CASR: variants seen among roughly 807,000 people sequenced by gnomAD.
CASR encodes calcium sensing receptor.
CASR carries 23 observed loss-of-function variants against 69.1 expected under a neutral mutation model. That is an observed-to-expected ratio of 0.33 (90% CI 0.24 to 0.47). CASR has a LOEUF of 0.47. CASR is among the 20% of genes least tolerant of loss of function. The pLI is 1.00. For missense variants in CASR, 924 were observed against 1,356.1 expected, an observed-to-expected ratio of 0.68 and a Z score of 5.00; for synonymous variants, 541 against 544.7, an observed-to-expected ratio of 0.99 and a Z score of 0.10.
At chr3:122,222,074 G>A (rs2074177063) in intron 1 of CASR, among the ~76,000 whole-genome samples, 1 of 152,234 alleles carries the variant, frequency 6.6e-6, no homozygotes. Flanking sequence ...TGCCAATATT[G>A]GAGTAGGCTG....
intron 1 of CASR, among the ~76,000 whole-genome samples, chr3:122,211,568 C>T (rs1187601101): frequency 1.3e-5 from 2 of 152,086 alleles, no homozygotes; most frequent in East Asian, 1.9e-4. Context: ...ACTAGCTGGG[C>T]GTGGTGGCAC....
intron 2 of CASR, 122 bp from the exon 3 acceptor site, chr3:122,256,959 G>C: frequency 2.4e-6 from 2 of 830,856 alleles, no homozygotes; most frequent in Non-Finnish European, 4.0e-6. Flanking sequence ...TCTGTACAGA[G>C]CATGCCATGA....
intron 1 of CASR, among the ~76,000 whole-genome samples, chr3:122,209,720 C>T (rs1030317058): frequency 7.2e-5 from 11 of 151,890 alleles, no homozygotes; most frequent in African/African-American, 2.7e-4. Context: ...TATCAAGGGA[C>T]TTCTCCCTAA....
chr3:122,195,792 A>G (rs2073883684), intron 1 of CASR, among the ~76,000 whole-genome samples: 1 of 152,178 alleles, frequency 6.6e-6, no homozygotes. Context: ...CATAGTCAAA[A>G]ATGTAGTTTA....
chr3:122,243,778 G>A (rs1576844214), intron 1 of CASR, among the ~76,000 whole-genome samples: 1 of 152,060 alleles, frequency 6.6e-6, no homozygotes, highest in East Asian at 1.9e-4. Flanking sequence ...TGCAACCTAA[G>A]TGTCCATCGA....
At chr3:122,272,574 C>T (rs1247395543) in intron 4 of CASR, among the ~76,000 whole-genome samples, 1 of 152,150 alleles carries the variant, frequency 6.6e-6, no homozygotes, top group Non-Finnish European at 1.5e-5. Flanking sequence ...TTTCTCTGTA[C>T]TTAGAGATGA....
In CASR at chr3:122,257,240, T is replaced by C; in HGVS notation, c.345T>C (p.Val115=). 6.2e-7 allele frequency: 1 copy of C among 1,614,194 alleles called. No individual in the cohort carries two copies. The highest frequency in any genetic ancestry group is 8.5e-7 in the Non-Finnish European group (1 of 1,180,020). The change falls in exon 3 of 7, where the codon GTT becomes GTC. Residue 115 remains valine (V), a synonymous_variant. Coordinates refer to ENST00000639785, the MANE Select transcript of CASR (RefSeq NM_000388.4). ...SKALEATLSF[V]AQNKIDSLNL... is the part of the protein sequence containing the mutation. ...CCTTGGAAGCCACCCTGAGTTTTGT[T>C]GCTCAAAACAAAATTGATTCTTTGA...
At chr3:122,215,108 G>C (rs914823197) in intron 1 of CASR, among the ~76,000 whole-genome samples, 5 of 151,002 alleles carry the variant, frequency 3.3e-5, no homozygotes, top group African/African-American at 1.2e-4. Context: ...GAAAGTCTTT[G>C]CCTATGCACT....
chr3:122,261,147 T>C (rs1298082890), intron 3 of CASR, among the ~76,000 whole-genome samples: 1 of 152,188 alleles, frequency 6.6e-6, no homozygotes, highest in African/African-American at 2.4e-5. Flanking sequence ...GGATATATTA[T>C]AACCAATGAG....
At chr3:122,263,826 G>A (rs2107634292) in intron 4 of CASR, among the ~76,000 whole-genome samples, 1 of 152,236 alleles carries the variant, frequency 6.6e-6, no homozygotes, top group Middle Eastern at 3.4e-3. Flanking sequence ...TAAAGGTCAG[G>A]CACTCTAAAG....
At chr3:122,210,590 G>A (rs2074054645) in intron 1 of CASR, among the ~76,000 whole-genome samples, 1 of 152,084 alleles carries the variant, frequency 6.6e-6, no homozygotes, top group Non-Finnish European at 1.5e-5. Context: ...AATCAGAGAG[G>A]ACAAAAACAA....
intron 1 of CASR, among the ~76,000 whole-genome samples, chr3:122,228,477 T>C (rs13071297): frequency 0.014 from 2,098 of 152,372 alleles, 27 homozygotes; most frequent in South Asian, 0.057. Flanking sequence ...TATTTCCTAT[T>C]AGAAGTAGTA....
Position 122,237,062 on chromosome 3 carries a change from T to A in CASR, c.-242-16886T>A, listed in dbSNP as rs142422687. 1.0e-2 allele frequency among the ~76,000 whole-genome samples: 1,518 copies of A among 152,218 alleles called. 13 individuals carry two copies. The highest frequency in any genetic ancestry group is 0.024 in the Middle Eastern group (7 of 292). ...AATGAAACACTGGAGGCTTGTTATT[T>A]TGGGCCTGGAAATTTGTAGAGATGC... On this transcript the variant is annotated intron_variant, in intron 1 of 6. Transcript: ENST00000639785.
chr3:122,224,312 G>T (rs1456199612), intron 1 of CASR, among the ~76,000 whole-genome samples: 1 of 152,150 alleles, frequency 6.6e-6, no homozygotes, highest in Admixed American at 6.6e-5. Flanking sequence ...CTGCAAAAAG[G>T]CTCAGAGAAC....
chr3:122,274,109 T>G (rs974858600), intron 4 of CASR, among the ~76,000 whole-genome samples: 15 of 152,148 alleles, frequency 9.9e-5, no homozygotes, highest in African/African-American at 3.6e-4. Context: ...TTCTCCATCT[T>G]TTTTGAGGAT....
chr3:122,274,965 G>A (rs906040761), intron 4 of CASR, among the ~76,000 whole-genome samples: 1 of 152,190 alleles, frequency 6.6e-6, no homozygotes, highest in African/African-American at 2.4e-5. Flanking sequence ...CAGCGATGCT[G>A]CAGTAGAGTA....
chr3:122,222,575 C>A (rs1160979270), intron 1 of CASR, among the ~76,000 whole-genome samples: 1 of 152,106 alleles, frequency 6.6e-6, no homozygotes, highest in African/African-American at 2.4e-5. Context: ...AAAACAAGTT[C>A]TTAGAGATCT....
intron 1 of CASR, among the ~76,000 whole-genome samples, chr3:122,233,071 C>T (rs898207339): frequency 8.5e-5 from 13 of 152,202 alleles, no homozygotes; most frequent in African/African-American, 3.1e-4. Context: ...TTTACCCTTA[C>T]AGCTTCAGTC....
At chr3:122,246,524 T>A (rs747171985) in intron 1 of CASR, 15 of 152,376 alleles carry the variant, frequency 9.8e-5, no homozygotes, top group Middle Eastern at 3.4e-3. Context: ...AGATTTGTAA[T>A]GCCTATAAAA....
Sources: allele counts gnomAD v4.1 joint callset (sites outside exome capture counted in the v4.1 genomes callset), GRCh38; gene constraint gnomAD v4.1.1; transcripts MANE v1.5; gene names NCBI Gene and HGNC (gene_info 2026-07-23, HGNC 2026-07-21).